The following WNT3 variants were observed in gnomAD, a reference collection of about 807,000 sequenced individuals.
The protein encoded by WNT3 is proto-oncogene Wnt-3.
In WNT3, 7 loss-of-function variants were observed where a neutral mutation model predicts 34.2. The observed-to-expected ratio is 0.20, with a 90% CI of 0.12 to 0.38. The LOEUF is 0.38. Ranked by LOEUF, WNT3 falls within the 10% of genes least tolerant of loss-of-function variation. The probability of loss-of-function intolerance (pLI) is 1.00; values close to 1 mark genes in which losing one functional copy is unlikely to be tolerated. For synonymous variants in WNT3, 212 were observed against 211.5 expected (o/e 1.00, Z -0.02); for missense variants, 267 against 499.8 (o/e 0.53, Z 4.44).
intron 1 of WNT3, among the ~76,000 whole-genome samples, chr17:46,816,462 A>C (rs2084348294): frequency 7.7e-6 from 1 of 129,082 alleles, no homozygotes; most frequent in African/African-American, 3.2e-5. Context: ...AGGGTCATAG[A>C]CCCAGAACAC....
intron 1 of WNT3, among the ~76,000 whole-genome samples, chr17:46,803,076 T>C (rs2084146898): frequency 6.6e-6 from 1 of 152,164 alleles, no homozygotes; most frequent in African/African-American, 2.4e-5. Context: ...GTGGAGATCA[T>C]CAGAATTGAA....
At chr17:46,769,761 T>G (rs993790765) in intron 3 of WNT3, 22 bp downstream of exon 3, 1 of 1,607,460 alleles carries the variant, frequency 6.2e-7, no homozygotes, top group East Asian at 2.2e-5. Flanking sequence ...CTGAAGGGTT[T>G]GGGGAGGGTA....
chr17:46,812,780 G>T (rs2084293304), intron 1 of WNT3, among the ~76,000 whole-genome samples: 1 of 152,232 alleles, frequency 6.6e-6, no homozygotes, highest in African/African-American at 2.4e-5. Context: ...GAAGAGGCAA[G>T]TTTGGCTCCA....
At chr17:46,766,601 C>T (rs951326158) in intron 4 of WNT3, among the ~76,000 whole-genome samples, 2 of 152,094 alleles carry the variant, frequency 1.3e-5, no homozygotes, top group African/African-American at 4.8e-5. Context: ...TCTGGACTGT[C>T]CCCACCAGGA....
At chr17:46,773,634 A>AG in intron 2 of WNT3, 34 bp downstream of exon 2, 1 of 160,900 alleles carries the variant, frequency 6.2e-6, no homozygotes, top group Non-Finnish European at 1.1e-5. Context: ...CCCCCCACCC[A>AG]GCCCCTCCCC....
intron 1 of WNT3, among the ~76,000 whole-genome samples, chr17:46,813,609 T>C (rs961273748): frequency 6.6e-6 from 1 of 152,048 alleles, no homozygotes; most frequent in South Asian, 2.1e-4. Context: ...GCTCAACTCC[T>C]GGCTCATCAC....
At chr17:46,771,896 C>A (rs1411420577) in intron 2 of WNT3, among the ~76,000 whole-genome samples, 1 of 145,770 alleles carries the variant, frequency 6.9e-6, no homozygotes, top group South Asian at 2.1e-4. Context: ...CCGCCCCTGC[C>A]CCCGCCCCCG....
At position 46,763,926 on chromosome 17, in the gene WNT3, C is replaced by T. The variant is rs532601642; in HGVS notation, c.*704G>A. 3.3e-5 allele frequency: 5 copies of T among 151,988 alleles called. No individual in the cohort carries two copies. Among genetic ancestry groups the T allele is most frequent in the African/African-American group, 1.2e-4 (5 of 41,458 alleles). 9.4% of individuals were successfully genotyped at this position (151,988 alleles called of 1,614,324 possible). A position where few individuals can be genotyped will look rare whatever the true frequency, so the allele number is the denominator to read the frequency against. On this transcript the variant is annotated 3_prime_UTR_variant, in exon 5 of 5. Coordinates refer to ENST00000225512, the MANE Select transcript of WNT3 (RefSeq NM_030753.5). ...AAGATTTTGAGATCTGACTGCCCCT[C>T]GTGCAGAACAGGGTTATAGAGAAAA...
At chr17:46,776,369 T>C (rs2059412001) in intron 1 of WNT3, among the ~76,000 whole-genome samples, 1 of 152,256 alleles carries the variant, frequency 6.6e-6, no homozygotes, top group Non-Finnish European at 1.5e-5. Flanking sequence ...AGTGATCATA[T>C]AATCCCTGTG....
intron 4 of WNT3, among the ~76,000 whole-genome samples, chr17:46,764,895 C>A (rs916703106): frequency 6.6e-5 from 10 of 152,220 alleles, no homozygotes; most frequent in African/African-American, 2.4e-4. Context: ...CCTTGGGCAA[C>A]AGGAAGCCCA....
At chr17:46,780,620 CA>C (rs2059452321) in intron 1 of WNT3, among the ~76,000 whole-genome samples, 1 of 151,962 alleles carries the variant, frequency 6.6e-6, no homozygotes, top group Non-Finnish European at 1.5e-5. Flanking sequence ...ACTAAAAATA[CA>C]AAAAATTAGC....
Position 46,768,533 on chromosome 17 carries a change from C to T in WNT3, c.855G>A (p.Glu285=). The change falls in exon 4 of 5, where the codon GAG becomes GAA. Residue 285 remains glutamate, a synonymous_variant. Coordinates refer to ENST00000225512, the MANE Select transcript of WNT3 (RefSeq NM_030753.5). This position sits in a 1 kb window ranked among gnomAD's most constrained non-coding sequence, Gnocchi z 5.0. ...VYYENSPNFC[E]PNPETGSFGT... ...CAAAGGAACCCGTCTCTGGGTTGGG[C>T]TCACAAAAGTTGGGGGAGTTCTCGT... is the stretch of plus-strand genomic sequence containing the variant. The T allele has an allele frequency of 6.2e-7, 1 of 1,614,190 alleles. No homozygotes were observed. Among genetic ancestry groups the T allele is most frequent in the Non-Finnish European group, 8.5e-7 (1 of 1,180,052 alleles).
At chr17:46,796,891 A>G (rs1223057066) in intron 1 of WNT3, among the ~76,000 whole-genome samples, 1 of 152,196 alleles carries the variant, frequency 6.6e-6, no homozygotes, top group Non-Finnish European at 1.5e-5. Context: ...ACTAGTTTAC[A>G]CGGGATGATT....
rs903718248 is a variant in WNT3, at chr17:46,768,151, C to A, written c.*8+161G>T. On this transcript the variant is annotated intron_variant, in intron 4 of 4. Transcript: ENST00000225512. This position sits in a 1 kb window ranked among gnomAD's most constrained non-coding sequence, Gnocchi z 5.0. ...AGTCTCTGCCCAAGGACCATTCCCA[C>A]GGATGCTTGAAAAATCCTAGCTTCC... Among the ~76,000 whole-genome samples, 2 of 152,184 alleles carry A rather than the reference C, an allele frequency of 1.3e-5. No homozygotes were observed. Among genetic ancestry groups the A allele is most frequent in the Non-Finnish European group, 2.9e-5 (2 of 68,042 alleles).
chr17:46,767,196 C>T (rs553056931), intron 4 of WNT3, among the ~76,000 whole-genome samples: 4 of 152,256 alleles, frequency 2.6e-5, no homozygotes, highest in Admixed American at 6.5e-5. Flanking sequence ...CAGTGCATAG[C>T]GCCTCCCATG....
intron 1 of WNT3, among the ~76,000 whole-genome samples, chr17:46,788,830 A>G (rs929254): frequency 0.084 from 12,792 of 152,100 alleles, 863 homozygotes; most frequent in Admixed American, 0.23. Flanking sequence ...TCTCTCCCAG[A>G]TCCCACAGGC....
At chr17:46,793,272 TAAAAAA>T (rs71138551) in intron 1 of WNT3, among the ~76,000 whole-genome samples, 1 of 41,950 alleles carries the variant, frequency 2.4e-5, no homozygotes, top group Non-Finnish European at 4.0e-5. Context: ...AGACCCTGTC[TAAAAAA>T]AAAAAAAAAA....
intron 1 of WNT3, among the ~76,000 whole-genome samples, chr17:46,776,051 C>T (rs1298988916): frequency 6.6e-6 from 1 of 152,202 alleles, no homozygotes; most frequent in African/African-American, 2.4e-5. Flanking sequence ...TTATTAGCCC[C>T]ATTTTACAGA....
At chr17:46,791,453 C>T (rs556945805) in intron 1 of WNT3, among the ~76,000 whole-genome samples, 2 of 152,074 alleles carry the variant, frequency 1.3e-5, no homozygotes, top group African/African-American at 2.4e-5. Flanking sequence ...GTGATCCGCC[C>T]GCCTCAGCCT....
Sources: gnomAD v4.1 joint callset for allele counts (sites outside exome capture counted in the v4.1 genomes callset) on GRCh38, gnomAD v4.1.1 for gene constraint, Gnocchi (gnomAD v3.1) non-coding constraint, MANE v1.5 for transcripts, NCBI Gene and HGNC (gene_info 2026-07-23, HGNC 2026-07-21) for gene names.